The following SCD5 variants were observed in gnomAD, a reference collection of about 807,000 sequenced individuals.
The protein encoded by SCD5 is acyl-CoA-desaturase 4.
A neutral mutation model predicts 30.4 loss-of-function variants in SCD5; 20 were observed. That is an observed-to-expected ratio of 0.66 (90% CI 0.46 to 0.96). The LOEUF is 0.96. SCD5 is among the 40% of genes least tolerant of loss of function. The probability of loss-of-function intolerance (pLI) is 0.00; values close to 1 mark genes in which losing one functional copy is unlikely to be tolerated. For missense variants in SCD5, 381 were observed against 443.3 expected, an observed-to-expected ratio of 0.86 and a Z score of 1.26; for synonymous variants, 173 against 176.4, an observed-to-expected ratio of 0.98 and a Z score of 0.16.
chr4:82,644,816 C>T lies in SCD5; in HGVS notation c.570-7993G>A, dbSNP rs192115806. 2.2e-4 allele frequency among the ~76,000 whole-genome samples: 33 copies of T among 152,272 alleles called. No homozygotes were observed. In the East Asian group the frequency reaches 6.0e-3, roughly 28 times the overall value. On this transcript the variant is annotated intron_variant, in intron 3 of 4. Transcript: ENST00000319540. The stretch of plus-strand genomic sequence containing the variant: ...CAGATTTCACTGTGAGGGTTTCTAC[C>T]CCCAGTTTAAATGAACAATTTCTGA...
intron 2 of SCD5, among the ~76,000 whole-genome samples, chr4:82,696,165 G>A (rs1719691326): frequency 6.6e-6 from 1 of 152,200 alleles, no homozygotes; most frequent in Non-Finnish European, 1.5e-5. Flanking sequence ...TCTGCCTTCT[G>A]AAAGAGTTTT....
At chr4:82,761,729 C>G (rs866487395) in intron 1 of SCD5, among the ~76,000 whole-genome samples, 6 of 152,042 alleles carry the variant, frequency 3.9e-5, no homozygotes, top group South Asian at 2.1e-4. Context: ...ATCCCTCCCC[C>G]CTCTCCCCAC....
chr4:82,631,993 CCAGTGGG>C (rs746672779), intron 4 of SCD5, among the ~76,000 whole-genome samples: 22 of 152,162 alleles, frequency 1.4e-4, no homozygotes, highest in East Asian at 7.7e-4. Flanking sequence ...CTTCCAGTGG[CCAGTGGG>C]CAGCTTTTAC....
At chr4:82,794,309 G>A (rs113930171) in intron 1 of SCD5, among the ~76,000 whole-genome samples, 1 of 152,210 alleles carries the variant, frequency 6.6e-6, no homozygotes, top group Non-Finnish European at 1.5e-5. Context: ...GCCTGGTGCT[G>A]TCACTGAAGT....
intron 1 of SCD5, among the ~76,000 whole-genome samples, chr4:82,710,437 A>G (rs2148828898): frequency 6.6e-6 from 1 of 151,522 alleles, no homozygotes; most frequent in African/African-American, 2.4e-5. Flanking sequence ...CACCCGCCCC[A>G]CCTCCCCACC....
intron 1 of SCD5, among the ~76,000 whole-genome samples, chr4:82,715,811 T>C (rs1358430988): frequency 6.6e-6 from 1 of 151,664 alleles, no homozygotes; most frequent in East Asian, 1.9e-4. Context: ...ACCAACAGCA[T>C]GTAAAACAAG....
At chr4:82,707,676 C>G (rs1360715043) in intron 1 of SCD5, among the ~76,000 whole-genome samples, 1 of 152,248 alleles carries the variant, frequency 6.6e-6, no homozygotes, top group Non-Finnish European at 1.5e-5. Context: ...GAGGATTCCT[C>G]CAGCCAACAG....
chr4:82,768,741 T>C (rs1721549008), intron 1 of SCD5, among the ~76,000 whole-genome samples: 1 of 152,178 alleles, frequency 6.6e-6, no homozygotes, highest in African/African-American at 2.4e-5. Flanking sequence ...AGGGGGGCTT[T>C]AGAAAAATGA....
At chr4:82,698,851 A>T (rs1303743746) in intron 2 of SCD5, among the ~76,000 whole-genome samples, 1 of 152,140 alleles carries the variant, frequency 6.6e-6, no homozygotes, top group Non-Finnish European at 1.5e-5. Flanking sequence ...ACTCTGTTTA[A>T]TTCTTTATAT....
chr4:82,762,959 C>T (rs1335278818), intron 1 of SCD5, among the ~76,000 whole-genome samples: 2 of 152,288 alleles, frequency 1.3e-5, no homozygotes, highest in East Asian at 3.9e-4. Context: ...AGCACAGCCC[C>T]ATCGCCTTCC....
intron 1 of SCD5, among the ~76,000 whole-genome samples, chr4:82,728,624 A>AGGCAGACTCAGTGCG (rs990666646): frequency 1.3e-5 from 2 of 152,098 alleles, no homozygotes; most frequent in African/African-American, 2.4e-5. Context: ...CCCCACCCAG[A>AGGCAGACTCAGTGCG]GGCAGACTCA....
chr4:82,773,842 C>G (rs1383039846), intron 1 of SCD5, among the ~76,000 whole-genome samples: 1 of 152,112 alleles, frequency 6.6e-6, no homozygotes, highest in Non-Finnish European at 1.5e-5. Context: ...CTCATCCCAG[C>G]ACTTTGGGAG....
chr4:82,783,419 A>G (rs17352017), intron 1 of SCD5, among the ~76,000 whole-genome samples: 26,109 of 152,244 alleles, frequency 0.17, 2,598 homozygotes, highest in African/African-American at 0.27. Flanking sequence ...GACATGGCAA[A>G]GATGCCTGAT....
At chr4:82,636,955 A>G (rs919197561) in intron 3 of SCD5, 132 bp from the exon 4 acceptor site, 2 of 708,784 alleles carry the variant, frequency 2.8e-6, no homozygotes, top group African/African-American at 3.6e-5. Flanking sequence ...AACGCTTTCT[A>G]TATGTGGAAG....
intron 1 of SCD5, among the ~76,000 whole-genome samples, chr4:82,728,281 G>A (rs1223889491): frequency 3.3e-5 from 5 of 152,260 alleles, no homozygotes; most frequent in African/African-American, 7.2e-5. Flanking sequence ...GCTACGTGTA[G>A]GCCAAGCTAA....
intron 3 of SCD5, among the ~76,000 whole-genome samples, chr4:82,664,293 C>A (rs932410329): frequency 1.3e-5 from 2 of 152,172 alleles, no homozygotes; most frequent in Non-Finnish European, 2.9e-5. Flanking sequence ...ATTGACCCAA[C>A]CCCAACCTCT....
intron 3 of SCD5, among the ~76,000 whole-genome samples, chr4:82,650,177 G>A (rs986960054): frequency 6.6e-6 from 1 of 152,156 alleles, no homozygotes; most frequent in Non-Finnish European, 1.5e-5. Flanking sequence ...GGGGTTGTTA[G>A]GTAGTTCAAC....
intron 1 of SCD5, among the ~76,000 whole-genome samples, chr4:82,724,648 A>C (rs941881496): frequency 6.6e-6 from 1 of 152,208 alleles, no homozygotes; most frequent in African/African-American, 2.4e-5. Context: ...CTCTTCCCTA[A>C]TGCTTTCTGA....
intron 3 of SCD5, among the ~76,000 whole-genome samples, chr4:82,653,068 C>T (rs897753121): frequency 1.3e-5 from 2 of 152,078 alleles, no homozygotes; most frequent in African/African-American, 2.4e-5. Flanking sequence ...ACAGGAGGAT[C>T]GCCTGAGCCT....
Sources: allele counts gnomAD v4.1 joint callset (sites outside exome capture counted in the v4.1 genomes callset), GRCh38; gene constraint gnomAD v4.1.1; transcripts MANE v1.5; gene names NCBI Gene and HGNC (gene_info 2026-07-23, HGNC 2026-07-21).